STOX2: variants seen among roughly 807,000 people sequenced by gnomAD.
STOX2 encodes storkhead-box protein 2.
STOX2 carries 28 observed loss-of-function variants against 60.9 expected under a neutral mutation model. The observed-to-expected ratio is 0.46, with a 90% CI of 0.34 to 0.63. STOX2 has a LOEUF of 0.63. Among genes scored for constraint, STOX2 ranks in the 30% least tolerant of loss-of-function variants. The pLI is 0.01. For missense variants in STOX2, 1,024 were observed against 1,187.7 expected, an observed-to-expected ratio of 0.86 and a Z score of 2.03; for synonymous variants, 472 against 463.9, an observed-to-expected ratio of 1.02 and a Z score of -0.22.
intron 1 of STOX2, among the ~76,000 whole-genome samples, chr4:183,934,471 C>T (rs1376374320): frequency 6.6e-6 from 1 of 152,150 alleles, no homozygotes; most frequent in Non-Finnish European, 1.5e-5. Context: ...CCTTTAGAAA[C>T]TTTAGATAGC....
chr4:184,004,336 A>T (rs1733727642), intron 2 of STOX2, among the ~76,000 whole-genome samples: 1 of 152,236 alleles, frequency 6.6e-6, no homozygotes, highest in South Asian at 2.1e-4. Context: ...GCAGTGGCTC[A>T]TGCCTGTAAT....
chr4:183,811,818 T>G (rs1739039599), intron 1 of STOX2, among the ~76,000 whole-genome samples: 1 of 152,186 alleles, frequency 6.6e-6, no homozygotes, highest in African/African-American at 2.4e-5. Flanking sequence ...ATGGAAGAGA[T>G]AAGGTTCAGA....
chr4:183,871,787 T>C (rs1012767313), intron 1 of STOX2, among the ~76,000 whole-genome samples: 5 of 152,148 alleles, frequency 3.3e-5, no homozygotes, highest in Admixed American at 2.0e-4. Context: ...TAATAAGTGA[T>C]CGTTTGGAAA....
intron 1 of STOX2, among the ~76,000 whole-genome samples, chr4:183,965,733 G>A (rs1240373165): frequency 6.6e-6 from 1 of 152,110 alleles, no homozygotes; most frequent in Admixed American, 6.5e-5. Flanking sequence ...CAGTGGCGGG[G>A]GTTGTGGGGG....
chr4:183,840,874 GTTA>G (rs1739841707), intron 1 of STOX2, among the ~76,000 whole-genome samples: 2 of 152,108 alleles, frequency 1.3e-5, no homozygotes, highest in South Asian at 4.1e-4. Flanking sequence ...ATTGTATTCT[GTTA>G]TTTTTTTTGA....
In STOX2 at chr4:183,957,891, A is replaced by G. The variant is rs369622193; in HGVS notation, c.167-43434A>G. Reference sequence around the variant, plus strand: ...ATGATAAAATGGTATTTAGAACCCAAGAGAGTGAATAAGGCACCCTGGTTT... The same window carrying G: ...ATGATAAAATGGTATTTAGAACCCAGGAGAGTGAATAAGGCACCCTGGTTT... On this transcript the variant is annotated intron_variant, in intron 1 of 3. Coordinates refer to ENST00000308497, the MANE Select transcript of STOX2 (RefSeq NM_020225.3). Among the ~76,000 whole-genome samples the G allele has an allele frequency of 3.9e-4, 59 of 151,614 alleles. No individual in the cohort carries two copies. The South Asian group carries it at 0.012, about 31-fold the overall frequency.
At position 183,836,372 on chromosome 4, in the gene STOX2, A is replaced by G. The variant is rs892791352; in HGVS notation, c.364+38317A>G. On this transcript the variant is annotated intron_variant, in intron 1 of 2. Coordinates refer to the STOX2 transcript ENST00000513034. The surrounding 1 kb of genome is among the most constrained non-coding windows in gnomAD (Gnocchi z 4.1). ...GGTCTGAGGACCACTAAAAATAAAC[A>G]TAAGGAGTGTCACTACGTTAGCAGC... is the stretch of plus-strand genomic sequence containing the variant. 6.6e-6 allele frequency among the ~76,000 whole-genome samples: 1 copy of G among 152,210 alleles called. No homozygotes were observed. Among genetic ancestry groups the G allele is most frequent in the Non-Finnish European group, 1.5e-5 (1 of 68,030 alleles).
chr4:183,832,486 C>CTTT (rs57764548), intron 1 of STOX2, among the ~76,000 whole-genome samples: 19 of 74,072 alleles, frequency 2.6e-4, no homozygotes, highest in African/African-American at 5.0e-4. Flanking sequence ...ATAACCGACT[C>CTTT]TTTTTTTTTT....
intron 1 of STOX2, among the ~76,000 whole-genome samples, chr4:183,943,808 C>T (rs951397194): frequency 1.3e-5 from 2 of 152,152 alleles, no homozygotes; most frequent in Non-Finnish European, 2.9e-5. Flanking sequence ...ATCCGGGAGG[C>T]GGAGGTTGCA....
chr4:184,004,589 G>T (rs987744773), intron 2 of STOX2, among the ~76,000 whole-genome samples: 1 of 142,606 alleles, frequency 7.0e-6, no homozygotes, highest in Non-Finnish European at 1.6e-5. Context: ...GACAGAGCGA[G>T]ACTCCGTTTC....
At chr4:183,890,818 T>C (rs1408112999) in intron 1 of STOX2, among the ~76,000 whole-genome samples, 1 of 152,074 alleles carries the variant, frequency 6.6e-6, no homozygotes, top group Non-Finnish European at 1.5e-5. Flanking sequence ...GAGCTTGTTA[T>C]TCAATAAGGC....
At chr4:183,986,488 G>A (rs919595303) in intron 1 of STOX2, among the ~76,000 whole-genome samples, 1 of 152,242 alleles carries the variant, frequency 6.6e-6, no homozygotes, top group African/African-American at 2.4e-5. Context: ...TGTGAAAAGC[G>A]TTAGGTGGTT....
chr4:183,898,472 T>A (rs1379560097), intron 1 of STOX2, among the ~76,000 whole-genome samples: 1 of 152,150 alleles, frequency 6.6e-6, no homozygotes, highest in Non-Finnish European at 1.5e-5. Flanking sequence ...AGAAAAGATA[T>A]TCAGTTGACA....
At chr4:183,861,998 A>G (rs1416175806) in intron 1 of STOX2, among the ~76,000 whole-genome samples, 6 of 151,946 alleles carry the variant, frequency 3.9e-5, no homozygotes, top group Admixed American at 1.3e-4. Flanking sequence ...GAATGTAGCC[A>G]TTTTCCTAAA....
intron 1 of STOX2, among the ~76,000 whole-genome samples, chr4:183,894,796 T>G (rs114781309): frequency 6.6e-6 from 1 of 152,208 alleles, no homozygotes. Context: ...CTTTCAAGAC[T>G]GATTAGTGTG....
At chr4:183,876,763 G>T (rs1331015493) in intron 1 of STOX2, among the ~76,000 whole-genome samples, 2 of 152,238 alleles carry the variant, frequency 1.3e-5, no homozygotes, top group Non-Finnish European at 2.9e-5. Context: ...TGTCTGCAGA[G>T]CGAGTGGGGT....
chr4:183,997,769 A>G (rs1420513605), intron 1 of STOX2, among the ~76,000 whole-genome samples: 1 of 152,232 alleles, frequency 6.6e-6, no homozygotes, highest in Non-Finnish European at 1.5e-5. Context: ...AGGTGGAGAC[A>G]GTTACTTAGA....
chr4:183,889,178 A>G lies in STOX2; in HGVS notation c.364+91123A>G, dbSNP rs569522662. ...GAAGTCCTAACCACCTATAGCTCCA[A>G]ATAGGACCTTATTTGGAAATAGGGT... is the stretch of plus-strand genomic sequence containing the variant. On this transcript the variant is annotated intron_variant, in intron 1 of 2. Transcript: ENST00000513034. 9.9e-5 allele frequency among the ~76,000 whole-genome samples: 15 copies of G among 152,082 alleles called. No homozygotes were observed. In the South Asian group the frequency reaches 2.7e-3, roughly 27 times the overall value.
intron 1 of STOX2, among the ~76,000 whole-genome samples, chr4:183,946,977 A>G (rs1742911158): frequency 6.6e-6 from 1 of 152,132 alleles, no homozygotes; most frequent in Non-Finnish European, 1.5e-5. Context: ...TAAGTAATCT[A>G]AAGATGATTT....
Sources: gnomAD v4.1 joint callset for allele counts (sites outside exome capture counted in the v4.1 genomes callset) on GRCh38, gnomAD v4.1.1 for gene constraint, Gnocchi (gnomAD v3.1) non-coding constraint, MANE v1.5 for transcripts, NCBI Gene and HGNC (gene_info 2026-07-23, HGNC 2026-07-21) for gene names.